The following AHNAK variants were observed in gnomAD, a reference collection of about 807,000 sequenced individuals.
The protein encoded by AHNAK is neuroblast differentiation-associated protein AHNAK.
AHNAK carries 23 observed loss-of-function variants against 37.8 expected under a neutral mutation model. The ratio of observed to expected loss-of-function variants is 0.61; its 90% CI spans 0.44 to 0.86. The LOEUF is 0.86. Ranked by LOEUF, AHNAK falls within the 40% of genes least tolerant of loss-of-function variation. The pLI, the probability that AHNAK is intolerant of heterozygous loss-of-function variation, is 0.00. For missense variants in AHNAK, 7,411 were observed against 7,319.4 expected, an observed-to-expected ratio of 1.01 and a Z score of -0.46; for synonymous variants, 2,481 against 2,636.3, an observed-to-expected ratio of 0.94 and a Z score of 1.80.
chr11:62,486,121 A>G (rs1939388023), intron 5 of AHNAK, among the ~76,000 whole-genome samples: 1 of 152,134 alleles, frequency 6.6e-6, no homozygotes, highest in Non-Finnish European at 1.5e-5. Context: ...TAGACAGAAG[A>G]GGACAAATAC....
At chr11:62,470,902 T>C (rs1361420959) in intron 5 of AHNAK, among the ~76,000 whole-genome samples, 1 of 151,982 alleles carries the variant, frequency 6.6e-6, no homozygotes, top group Non-Finnish European at 1.5e-5. Flanking sequence ...AACTAAATAA[T>C]ACAAGATGCT....
At chr11:62,542,544 T>C (rs1941162388) in intron 1 of AHNAK, among the ~76,000 whole-genome samples, 1 of 151,300 alleles carries the variant, frequency 6.6e-6, no homozygotes, top group Non-Finnish European at 1.5e-5. Flanking sequence ...CTGTGACGCC[T>C]TTCTCCATCT....
chr11:62,451,885 G>A (rs1341663225), intron 5 of AHNAK, among the ~76,000 whole-genome samples: 2 of 143,302 alleles, frequency 1.4e-5, no homozygotes, highest in African/African-American at 2.6e-5. Flanking sequence ...TCGCCTCACT[G>A]CAAGCTCCGC....
intron 5 of AHNAK, among the ~76,000 whole-genome samples, chr11:62,446,158 G>A (rs1938419061): frequency 6.6e-6 from 1 of 152,076 alleles, no homozygotes; most frequent in African/African-American, 2.4e-5. Flanking sequence ...ATAACTATGG[G>A]CAGGGAAGGG....
rs1940531155 is a variant in AHNAK at position 62,527,282 on chromosome 11, T to C, written c.7135A>G (p.Met2379Val). Residue 2379 changes from methionine to valine, a missense_variant, in exon 5 of 5, where the codon ATG (methionine) becomes GTG (valine). Coordinates refer to ENST00000378024, the MANE Select transcript of AHNAK (RefSeq NM_001620.3). ...GAGATTTTGGGAGCTTTAAAGTGCA[T>C]ATCTGGCATCTTGAACTTAGGAGTT... ...WKTPKFKMPD[M>V]HFKAPKISMP... 1 of 1,614,010 alleles carries C rather than the reference T, an allele frequency of 6.2e-7. No homozygotes were observed. Among genetic ancestry groups the C allele is most frequent in the Admixed American group, 1.7e-5 (1 of 60,012 alleles).
At chr11:62,478,636 T>C (rs866648248) in intron 5 of AHNAK, among the ~76,000 whole-genome samples, 16 of 150,936 alleles carry the variant, frequency 1.1e-4, no homozygotes, top group African/African-American at 3.4e-4. Flanking sequence ...TGGTCCTAGC[T>C]ACTCAGGAGA....
intron 5 of AHNAK, among the ~76,000 whole-genome samples, chr11:62,472,332 T>C (rs935367853): frequency 2.1e-4 from 32 of 151,998 alleles, no homozygotes; most frequent in African/African-American, 7.7e-4. Context: ...CTTTATCAGC[T>C]CCTTGCCTTC....
Position 62,525,101 on chromosome 11 carries a change from T to C in AHNAK, c.9316A>G (p.Lys3106Glu). 1 of 1,614,154 alleles carries C rather than the reference T, an allele frequency of 6.2e-7. No individual in the cohort carries two copies. ...GGCAGAGACACATCCATGTCACCCT[T>C]CACTTTGGGACCTTTCAGGTTAAGA... ...IDLNLKGPKV[K>E]GDMDVSLPKV... The change falls in exon 5 of 5, where the codon AAG becomes GAG. Residue 3106 changes from lysine to glutamate, a missense_variant. Lys to Glu is a moderately conservative substitution (Grantham distance 56, BLOSUM62 1). Transcript: ENST00000378024.
intron 5 of AHNAK, among the ~76,000 whole-genome samples, chr11:62,478,130 C>G (rs558943792): frequency 5.3e-5 from 8 of 152,330 alleles, no homozygotes; most frequent in Admixed American, 1.3e-4. Context: ...TCTCCTCCCC[C>G]ACTATTCCAG....
chr11:62,506,644 G>A (rs1939817576), intron 4 of AHNAK, among the ~76,000 whole-genome samples: 1 of 152,240 alleles, frequency 6.6e-6, no homozygotes, highest in South Asian at 2.1e-4. Flanking sequence ...GGACGCCATG[G>A]GCTTAGCCAG....
intron 5 of AHNAK, among the ~76,000 whole-genome samples, chr11:62,466,677 C>T (rs1185218300): frequency 6.6e-6 from 1 of 152,294 alleles, no homozygotes; most frequent in Non-Finnish European, 1.5e-5. Context: ...ATCATCGCAT[C>T]TTGCCTCACT....
In AHNAK at chr11:62,526,788, T is replaced by C; in HGVS notation, c.7629A>G (p.Gly2543=). 6.2e-7 allele frequency: 1 copy of C among 1,613,802 alleles called. No individual in the cohort carries two copies. Among genetic ancestry groups the C allele is most frequent in the South Asian group, 1.1e-5 (1 of 91,076 alleles). ...CAGGGCCTTCAATGTCCACCTTGGG[T>C]CCTGAGATGTCAACGTCAGCCTTAG... ...NLPKADVDIS[G]PKVDIEGPDV... is the part of the protein sequence containing the mutation. The change falls in exon 5 of 5, where the codon GGA becomes GGG. Residue 2543 remains glycine (G), a synonymous_variant. Transcript: ENST00000378024.
At chr11:62,484,510 C>T (rs529105982) in intron 5 of AHNAK, among the ~76,000 whole-genome samples, 8 of 152,250 alleles carry the variant, frequency 5.3e-5, no homozygotes, top group Admixed American at 3.3e-4. Context: ...AAGACTTTGT[C>T]AAGGGGAAGA....
At chr11:62,456,461 G>A (rs1221745201) in intron 5 of AHNAK, among the ~76,000 whole-genome samples, 2 of 152,156 alleles carry the variant, frequency 1.3e-5, no homozygotes, top group Non-Finnish European at 2.9e-5. Flanking sequence ...TTTACAAAGG[G>A]GGAAACTGAC....
At chr11:62,450,318 C>T (rs1014114289) in intron 5 of AHNAK, among the ~76,000 whole-genome samples, 31 of 151,588 alleles carry the variant, frequency 2.0e-4, no homozygotes, top group Non-Finnish European at 3.4e-4. Context: ...CCACCACGCC[C>T]GGCTATTTTT....
intron 1 of AHNAK, chr11:62,546,118 C>T: frequency 6.5e-6 from 1 of 153,798 alleles, no homozygotes; most frequent in Non-Finnish European, 1.4e-5. Flanking sequence ...GCTGGTGGTA[C>T]AGAACAGGGT....
At chr11:62,534,842 G>T (rs1485448987) in intron 4 of AHNAK, among the ~76,000 whole-genome samples, 161 bp downstream of exon 4, 1 of 152,226 alleles carries the variant, frequency 6.6e-6, no homozygotes. Context: ...AAAGCGGAAA[G>T]AAACAGGGTG....
Position 62,525,178 on chromosome 11 carries a change from T to C in AHNAK, c.9239A>G (p.Lys3080Arg). The change falls in exon 5 of 5, where the codon AAA (lysine) becomes AGA (arginine). Residue 3080 changes from lysine to arginine, a missense_variant. By Grantham distance (26) the Lys-to-Arg change is conservative. Transcript: ENST00000378024. The part of the protein sequence containing the change: ...PEGKLKGPKF[K>R]MPEMNIKAPK... The stretch of plus-strand genomic sequence containing the variant: ...GGCTTTGATGTTCATCTCAGGCATT[T>C]TGAATTTGGGACCTTTCAACTTTCC... 1 of 1,612,474 alleles carries C rather than the reference T, an allele frequency of 6.2e-7. No homozygotes were observed. The highest frequency in any genetic ancestry group is 8.5e-7 in the Non-Finnish European group (1 of 1,179,658).
intron 5 of AHNAK, among the ~76,000 whole-genome samples, chr11:62,460,091 C>A (rs185707678): frequency 4.0e-5 from 6 of 150,494 alleles, no homozygotes; most frequent in Non-Finnish European, 7.4e-5. Context: ...GCACTCCAGC[C>A]TGGGCAACAA....
Sources: gnomAD v4.1 joint callset for allele counts (sites outside exome capture counted in the v4.1 genomes callset) on GRCh38, gnomAD v4.1.1 for gene constraint, MANE v1.5 for transcripts, NCBI Gene and HGNC (gene_info 2026-07-23, HGNC 2026-07-21) for gene names.